The following PRKDC variants were observed in gnomAD, a reference collection of about 807,000 sequenced individuals.
PRKDC encodes DNA-dependent protein kinase catalytic subunit.
In PRKDC, 82 loss-of-function variants were observed where a neutral mutation model predicts 486.9. The observed-to-expected ratio is 0.17, with a 90% CI of 0.14 to 0.20. The LOEUF (loss-of-function observed/expected upper bound fraction) is 0.20. Among genes scored for constraint, PRKDC ranks in the 10% least tolerant of loss-of-function variants. PRKDC has a pLI of 1.00. For missense variants in PRKDC, 4,504 were observed against 5,038.2 expected, an observed-to-expected ratio of 0.89 and a Z score of 3.21; for synonymous variants, 1,895 against 1,837.0, an observed-to-expected ratio of 1.03 and a Z score of -0.81.
At chr8:47,799,970 A>G (rs1176421580) in intron 71 of PRKDC, among the ~76,000 whole-genome samples, 3 of 152,240 alleles carry the variant, frequency 2.0e-5, no homozygotes, top group Non-Finnish European at 4.4e-5. Context: ...AACGGTCTAC[A>G]GTTCTTTTAA....
In PRKDC at chr8:47,774,242, G is replaced by A; in HGVS notation, c.12318C>T (p.Cys4106=). The A allele has an allele frequency of 6.2e-7, 1 of 1,604,832 alleles. No individual in the cohort carries two copies. Among genetic ancestry groups the A allele is most frequent in the Non-Finnish European group, 8.5e-7 (1 of 1,175,776 alleles). ...SGLSEETQVK[C]LMDQATDPNI... is the part of the protein sequence containing the mutation. ...TGGGGTCTGTTGCCTGGTCCATCAG[G>A]CACTTCACTTGAGTCTCTTCTGAAA... is the stretch of plus-strand genomic sequence containing the variant. The change falls in exon 86 of 86, where the codon TGC becomes TGT. Residue 4106 remains cysteine, a synonymous_variant. Coordinates refer to ENST00000314191, the MANE Select transcript of PRKDC (RefSeq NM_006904.7).
chr8:47,812,510 A>G (rs1226772037), intron 68 of PRKDC, among the ~76,000 whole-genome samples: 1 of 152,232 alleles, frequency 6.6e-6, no homozygotes. Context: ...AAACACTTAA[A>G]TATTTAATGG....
At chr8:47,937,218 G>A (rs1457417980) in intron 11 of PRKDC, among the ~76,000 whole-genome samples, 5 of 151,984 alleles carry the variant, frequency 3.3e-5, no homozygotes, top group Non-Finnish European at 7.4e-5. Context: ...CTGAGATCGC[G>A]CCACTGCACT....
intron 32 of PRKDC, 73 bp downstream of exon 32, chr8:47,890,184 C>T (rs2089430539): frequency 4.5e-6 from 4 of 896,888 alleles, no homozygotes; most frequent in Non-Finnish European, 6.2e-6. Context: ...AAAGCCAAAA[C>T]CCCTTCTAAC....
At chr8:47,877,444 A>G (rs1358914652) in intron 40 of PRKDC, among the ~76,000 whole-genome samples, 1 of 152,244 alleles carries the variant, frequency 6.6e-6, no homozygotes, top group Non-Finnish European at 1.5e-5. Context: ...TTTAAATTAC[A>G]ATAGCAGTAG....
At chr8:47,930,450 C>T (rs2090231214) in intron 17 of PRKDC, among the ~76,000 whole-genome samples, 1 of 151,972 alleles carries the variant, frequency 6.6e-6, no homozygotes, top group Admixed American at 6.6e-5. Context: ...TTTTTTGTAT[C>T]TTTAGTAGAG....
At chr8:47,821,537 A>C (rs1459906029) in intron 65 of PRKDC, 67 bp downstream of exon 65, 2 of 1,477,304 alleles carry the variant, frequency 1.4e-6, no homozygotes. Context: ...TGTTTTAAAC[A>C]ATTTTGTTAA....
In PRKDC at chr8:47,887,564, A is replaced by G; in HGVS notation, c.4555T>C (p.Phe1519Leu). The change falls in exon 35 of 86, where the codon TTT (phenylalanine) becomes CTT (leucine). Residue 1519 changes from phenylalanine (F) to leucine (L), a missense_variant. Transcript: ENST00000314191. ...QLASGLLELA[F>L]AFGGLCERLV... Reference sequence around the variant, plus strand: ...TTTCCTACCAGTCCTCCAAAAGCAAAGGCTAACTCCAGAAGTCCGCTGGCC... The same window carrying G: ...TTTCCTACCAGTCCTCCAAAAGCAAGGGCTAACTCCAGAAGTCCGCTGGCC... 6.3e-7 allele frequency: 1 copy of G among 1,585,406 alleles called. No individual in the cohort carries two copies. The highest frequency in any genetic ancestry group is 8.6e-7 in the Non-Finnish European group (1 of 1,166,340).
intron 81 of PRKDC, 75 bp from the exon 82 acceptor site, chr8:47,778,874 T>C (rs975159802): frequency 6.7e-7 from 1 of 1,497,144 alleles, no homozygotes; most frequent in African/African-American, 1.4e-5. Flanking sequence ...AAACTTTTTG[T>C]TTATATTGAG....
At chr8:47,880,177 C>A (rs538992697) in intron 38 of PRKDC, among the ~76,000 whole-genome samples, 47 of 152,256 alleles carry the variant, frequency 3.1e-4, no homozygotes, top group African/African-American at 1.1e-3. Flanking sequence ...CTTACCCAGG[C>A]TAGTTGGTTG....
At position 47,831,954 on chromosome 8, in the gene PRKDC, T is replaced by G. The variant is rs771354617; in HGVS notation, c.8153-28A>C. 2.5e-6 allele frequency: 4 copies of G among 1,587,356 alleles called. No homozygotes were observed. In the Admixed American group the frequency reaches 6.7e-5, roughly 27 times the overall value. ...GGAGAGGGAAAGCAGGCCCAGTTACTCCCCGCCGCCCAGACACTTGGCTCT... is the reference window on the plus strand; with the variant it reads ...GGAGAGGGAAAGCAGGCCCAGTTACGCCCCGCCGCCCAGACACTTGGCTCT... On this transcript the variant is annotated intron_variant, in intron 59 of 85. Coordinates refer to ENST00000314191, the MANE Select transcript of PRKDC (RefSeq NM_006904.7).
intron 54 of PRKDC, among the ~76,000 whole-genome samples, chr8:47,846,077 G>A (rs2088256666): frequency 6.6e-6 from 1 of 152,106 alleles, no homozygotes; most frequent in Non-Finnish European, 1.5e-5. Context: ...AAAAACAAAA[G>A]CCATATGATC....
At chr8:47,790,507 C>A (rs901206701) in intron 74 of PRKDC, among the ~76,000 whole-genome samples, 2 of 152,266 alleles carry the variant, frequency 1.3e-5, no homozygotes, top group Admixed American at 6.5e-5. Context: ...AGAGTCAACA[C>A]AATCCTTATC....
chr8:47,802,685 C>T (rs1057084812), intron 70 of PRKDC, among the ~76,000 whole-genome samples: 6 of 151,016 alleles, frequency 4.0e-5, no homozygotes, highest in African/African-American at 1.5e-4. Context: ...TGGAGTCTTT[C>T]TCTGTCGTCC....
intron 37 of PRKDC, 50 bp downstream of exon 37, chr8:47,881,862 T>TACAG (rs1442768828): frequency 6.9e-7 from 1 of 1,454,626 alleles, no homozygotes; most frequent in African/African-American, 1.4e-5. Flanking sequence ...AGACACAAGT[T>TACAG]ACAGAGTTCA....
chr8:47,782,629 C>T lies in PRKDC; in HGVS notation c.11176-31G>A. The T allele has an allele frequency of 1.9e-6, 3 of 1,544,346 alleles. No individual in the cohort carries two copies. In the Middle Eastern group the frequency reaches 5.0e-4, roughly 259 times the overall value. On this transcript the variant is annotated intron_variant, in intron 78 of 85. Transcript: ENST00000314191. This position sits in a 1 kb window ranked among gnomAD's most constrained non-coding sequence, Gnocchi z 4.9. ...AAAATCAGAATGTCATCTCAGGGCA[C>T]AGGCTAGCCACGTGTCAAACTCAGA...
intron 52 of PRKDC, among the ~76,000 whole-genome samples, chr8:47,850,430 C>T (rs1245176142): frequency 6.6e-6 from 1 of 152,102 alleles, no homozygotes; most frequent in East Asian, 1.9e-4. Flanking sequence ...ATTAGGGATG[C>T]TCAAACAGAA....
chr8:47,949,109 T>C (rs1278284303), intron 7 of PRKDC, among the ~76,000 whole-genome samples: 3 of 152,230 alleles, frequency 2.0e-5, no homozygotes, highest in Admixed American at 2.0e-4. Flanking sequence ...CCCCCATGCC[T>C]TGGCTCCTGC....
At position 47,837,410 on chromosome 8, in the gene PRKDC, A is replaced by T; in HGVS notation, c.7563T>A (p.Ile2521=). ...IDENPGLQLI[I]RNFWSHETRL... is the part of the protein sequence containing the mutation. ...TAGTTTCATGGCTCCAGAAATTTCG[A>T]ATAATTAATCTGAAAAGCAAAGAGA... The change falls in exon 57 of 86, where the codon ATT becomes ATA. Residue 2521 remains isoleucine (I), a synonymous_variant. Coordinates refer to ENST00000314191, the MANE Select transcript of PRKDC (RefSeq NM_006904.7). 2 of 1,604,396 alleles carry T rather than the reference A, an allele frequency of 1.2e-6. No individual in the cohort carries two copies. The highest frequency in any genetic ancestry group is 1.7e-5 in the Admixed American group (1 of 59,844).
Sources: allele counts gnomAD v4.1 joint callset (sites outside exome capture counted in the v4.1 genomes callset), GRCh38; gene constraint gnomAD v4.1.1; non-coding constraint Gnocchi (gnomAD v3.1); transcripts MANE v1.5; gene names NCBI Gene and HGNC (gene_info 2026-07-23, HGNC 2026-07-21).